Variants in RFX3 observed in about 807,000 individuals in gnomAD.
The protein encoded by RFX3 is transcription factor RFX3.
Under a neutral mutation model 98.6 loss-of-function variants are expected in RFX3, and 14 were observed. The observed-to-expected ratio is 0.14, with a 90% CI of 0.09 to 0.22. RFX3 has a LOEUF of 0.22. Among genes scored for constraint, RFX3 ranks in the 10% least tolerant of loss-of-function variants. RFX3 has a pLI of 1.00. For synonymous variants in RFX3, 383 were observed against 328.4 expected, an observed-to-expected ratio of 1.17 and a Z score of -1.80; for missense variants, 639 against 926.9, an observed-to-expected ratio of 0.69 and a Z score of 4.03.
At chr9:3,444,770 G>A (rs1291818023) in intron 1 of RFX3, among the ~76,000 whole-genome samples, 1 of 152,126 alleles carries the variant, frequency 6.6e-6, no homozygotes, top group Non-Finnish European at 1.5e-5. Flanking sequence ...TACCCACAGA[G>A]GAGAAATTAA....
chr9:3,488,800 G>C (rs1417391041), intron 1 of RFX3: 1 of 985,112 alleles, frequency 1.0e-6, no homozygotes, highest in Admixed American at 6.2e-5. Context: ...TTGAAATGGA[G>C]GTTACAGCTT....
intron 1 of RFX3, among the ~76,000 whole-genome samples, chr9:3,396,412 T>C (rs1840882282): frequency 6.6e-6 from 1 of 152,230 alleles, no homozygotes; most frequent in Admixed American, 6.5e-5. Context: ...GGTGTATATG[T>C]GCCACATTTT....
chr9:3,226,969 G>C (rs1209580769), intron 16 of RFX3, among the ~76,000 whole-genome samples: 17 of 152,004 alleles, frequency 1.1e-4, no homozygotes, highest in Non-Finnish European at 2.5e-4. Flanking sequence ...CATTTTGTGG[G>C]AGAAGCCCTC....
At chr9:3,253,212 G>A (rs187951494) in intron 14 of RFX3, among the ~76,000 whole-genome samples, 1 of 152,302 alleles carries the variant, frequency 6.6e-6, no homozygotes, top group East Asian at 1.9e-4. Flanking sequence ...TAGCCAACCT[G>A]CCTCTTCTGA....
chr9:3,393,505 A>G lies in RFX3; in HGVS notation c.117+1967T>C, dbSNP rs190510349. On this transcript the variant is annotated intron_variant, in intron 2 of 16. Coordinates refer to ENST00000617270, the MANE Select transcript of RFX3 (RefSeq NM_001282116.2). ...CCATTCTTCTACAGAGATGAAAACC[A>G]GAGTGAGTTAAATGTTCAACATTGC... Among the ~76,000 whole-genome samples the G allele has an allele frequency of 1.7e-3, 252 of 152,290 alleles. 2 individuals are homozygous for G. Among genetic ancestry groups the G allele is most frequent in the African/African-American group, 5.7e-3 (236 of 41,556 alleles).
Position 3,224,688 on chromosome 9 carries a change from A to C in RFX3, c.*354T>G, listed in dbSNP as rs973397710. On this transcript the variant is annotated 3_prime_UTR_variant, in exon 17 of 17. Transcript: ENST00000617270. ...GTGCATCTAATTAAAAAACTTACAC[A>C]TGAAATCATACACCAAGACTAACAA... 1 of 176,142 alleles carries C rather than the reference A, an allele frequency of 5.7e-6. No individual in the cohort carries two copies. Among genetic ancestry groups the C allele is most frequent in the African/African-American group, 2.4e-5 (1 of 41,870 alleles). The allele number at this position is 176,142 out of a possible 1,614,324, so 10.9% of individuals were successfully genotyped here.
intron 8 of RFX3, among the ~76,000 whole-genome samples, chr9:3,275,841 T>C (rs979329755): frequency 1.3e-5 from 2 of 152,096 alleles, no homozygotes; most frequent in African/African-American, 4.8e-5. Flanking sequence ...AAACAAAATT[T>C]GCAATACAAT....
intron 4 of RFX3, among the ~76,000 whole-genome samples, chr9:3,313,406 G>C (rs1247188034): frequency 6.6e-6 from 1 of 152,194 alleles, no homozygotes; most frequent in African/African-American, 2.4e-5. Context: ...AAACCACAAA[G>C]ATGGGGAGAA....
At chr9:3,280,136 C>T (rs73642627) in intron 7 of RFX3, among the ~76,000 whole-genome samples, 1,781 of 151,890 alleles carry the variant, frequency 0.012, 12 homozygotes, top group African/African-American at 0.016. Flanking sequence ...TGAGCAAAGA[C>T]ACACTATGTG....
intron 4 of RFX3, among the ~76,000 whole-genome samples, chr9:3,305,256 G>C (rs1829147611): frequency 6.6e-6 from 1 of 151,982 alleles, no homozygotes; most frequent in South Asian, 2.1e-4. Context: ...AAATAGGTTG[G>C]AAGTAGATAA....
intron 1 of RFX3, among the ~76,000 whole-genome samples, chr9:3,448,806 C>T (rs1437979913): frequency 6.6e-6 from 1 of 152,130 alleles, no homozygotes; most frequent in Non-Finnish European, 1.5e-5. Flanking sequence ...AAGTGTGAGC[C>T]ACTGCACCCA....
intron 1 of RFX3, among the ~76,000 whole-genome samples, chr9:3,421,454 G>A (rs765964094): frequency 3.9e-5 from 6 of 152,184 alleles, no homozygotes; most frequent in Non-Finnish European, 7.4e-5. Flanking sequence ...CAACTCCATA[G>A]AAATAACCCT....
intron 14 of RFX3, among the ~76,000 whole-genome samples, chr9:3,252,651 A>T (rs1209902706): frequency 6.6e-6 from 1 of 151,994 alleles, no homozygotes; most frequent in African/African-American, 2.4e-5. Context: ...GGTCTGGATG[A>T]CTCTAGTGGC....
chr9:3,464,892 A>C (rs1195977012), intron 1 of RFX3, among the ~76,000 whole-genome samples: 1 of 152,158 alleles, frequency 6.6e-6, no homozygotes, highest in Non-Finnish European at 1.5e-5. Flanking sequence ...AGATTTGAAC[A>C]CATAAACATG....
At chr9:3,426,845 A>G (rs1339465134) in intron 1 of RFX3, among the ~76,000 whole-genome samples, 1 of 152,182 alleles carries the variant, frequency 6.6e-6, no homozygotes, top group Non-Finnish European at 1.5e-5. Flanking sequence ...ATATATTACA[A>G]TGTAATAATC....
chr9:3,331,953 T>TGATG (rs1437694658), intron 3 of RFX3, among the ~76,000 whole-genome samples: 1 of 152,146 alleles, frequency 6.6e-6, no homozygotes, highest in East Asian at 1.9e-4. Context: ...ATTTAACGTA[T>TGATG]GATGAGATTC....
intron 2 of RFX3, among the ~76,000 whole-genome samples, chr9:3,375,234 A>G (rs1017268796): frequency 6.6e-6 from 1 of 152,204 alleles, no homozygotes; most frequent in African/African-American, 2.4e-5. Context: ...GAAGACCATT[A>G]ACTCCCAGTC....
chr9:3,281,819 G>T (rs1825948733), intron 7 of RFX3, among the ~76,000 whole-genome samples: 1 of 151,710 alleles, frequency 6.6e-6, no homozygotes, highest in South Asian at 2.1e-4. Context: ...GTAATATTCT[G>T]TCAATCCCAC....
At chr9:3,350,930 C>G (rs1835034686) in intron 2 of RFX3, among the ~76,000 whole-genome samples, 1 of 151,876 alleles carries the variant, frequency 6.6e-6, no homozygotes, top group African/African-American at 2.4e-5. Flanking sequence ...TGGCTGCCAG[C>G]CACTGGGGGA....
Sources: allele counts gnomAD v4.1 joint callset (sites outside exome capture counted in the v4.1 genomes callset), GRCh38; gene constraint gnomAD v4.1.1; transcripts MANE v1.5; gene names NCBI Gene and HGNC (gene_info 2026-07-23, HGNC 2026-07-21).